PPP1R12B: variants seen among roughly 807,000 people sequenced by gnomAD.
PPP1R12B encodes myosin phosphatase target subunit 2.
In PPP1R12B, 76 loss-of-function variants were observed where a neutral mutation model predicts 126.1. The ratio of observed to expected loss-of-function variants is 0.60; its 90% confidence interval spans 0.50 to 0.73. The LOEUF is 0.73. PPP1R12B is among the 30% of genes least tolerant of loss of function. The pLI is 0.00. For missense variants in PPP1R12B, 1,052 were observed against 1,205.1 expected, an observed-to-expected ratio of 0.87 and a Z score of 1.88; for synonymous variants, 356 against 434.7, an observed-to-expected ratio of 0.82 and a Z score of 2.25.
intron 5 of PPP1R12B, among the ~76,000 whole-genome samples, chr1:202,428,303 T>C (rs975581016): frequency 5.3e-5 from 8 of 152,216 alleles, no homozygotes; most frequent in East Asian, 1.9e-4. Context: ...TGCAGAGATA[T>C]GGCCTTTTAA....
chr1:202,524,350 A>G (rs1683097185), intron 18 of PPP1R12B, among the ~76,000 whole-genome samples: 1 of 152,228 alleles, frequency 6.6e-6, no homozygotes, highest in Non-Finnish European at 1.5e-5. Flanking sequence ...GAAGAAAACT[A>G]GGAAGCCAAT....
rs377660828 is a variant in PPP1R12B, at chr1:202,586,440, T to C, written c.*5880T>C. ...AAATGAGTTCTGTCTCACTGGTGAC[T>C]TCATCCCTCAGGCTCCAGCTGAGCA... On this transcript the variant is annotated 3_prime_UTR_variant, in exon 24 of 24. Transcript: ENST00000608999. 3 of 152,248 alleles carry C rather than the reference T, an allele frequency of 2.0e-5. No homozygotes were observed. Among genetic ancestry groups the C allele is most frequent in the Non-Finnish European group, 4.4e-5 (3 of 68,054 alleles). The allele number at this position is 152,248 out of a possible 1,614,324, so 9.4% of individuals were successfully genotyped here.
intron 12 of PPP1R12B, among the ~76,000 whole-genome samples, chr1:202,446,363 T>G (rs1462145743): frequency 6.8e-6 from 1 of 147,192 alleles, no homozygotes; most frequent in African/African-American, 2.5e-5. Context: ...GAGCAATTCT[T>G]CTGCCTCAGC....
At chr1:202,448,902 T>G in intron 12 of PPP1R12B, 87 bp from the exon 13 acceptor site, 1 of 1,389,860 alleles carries the variant, frequency 7.2e-7, no homozygotes, top group Non-Finnish European at 1.0e-6. Context: ...GATGAACCAC[T>G]CTTTAATCCT....
chr1:202,439,089 C>G, intron 10 of PPP1R12B: 1 of 1,478,354 alleles, frequency 6.8e-7, no homozygotes, highest in Non-Finnish European at 9.5e-7. Flanking sequence ...ACCATCACCT[C>G]CAGCGCCAAA....
intron 1 of PPP1R12B, among the ~76,000 whole-genome samples, chr1:202,390,893 T>G (rs1485330553): frequency 6.6e-6 from 1 of 152,034 alleles, no homozygotes; most frequent in Non-Finnish European, 1.5e-5. Context: ...CAGGACAACA[T>G]CTCTACAAAC....
At chr1:202,518,721 G>A (rs1183842295) in intron 18 of PPP1R12B, among the ~76,000 whole-genome samples, 1 of 152,112 alleles carries the variant, frequency 6.6e-6, no homozygotes, top group East Asian at 1.9e-4. Flanking sequence ...CTTTAATGAG[G>A]CCTTGTTATT....
intron 18 of PPP1R12B, among the ~76,000 whole-genome samples, chr1:202,532,241 G>A (rs1458994615): frequency 6.6e-6 from 1 of 152,170 alleles, no homozygotes; most frequent in African/African-American, 2.4e-5. Flanking sequence ...GAGTCATGAG[G>A]ACGAACAGAG....
At chr1:202,361,769 T>C (rs1269387263) in intron 1 of PPP1R12B, among the ~76,000 whole-genome samples, 1 of 152,040 alleles carries the variant, frequency 6.6e-6, no homozygotes, top group Non-Finnish European at 1.5e-5. Flanking sequence ...AAAAAAATAG[T>C]AACTTGGCGG....
At chr1:202,491,147 G>A (rs1678829880) in intron 14 of PPP1R12B, among the ~76,000 whole-genome samples, 1 of 152,130 alleles carries the variant, frequency 6.6e-6, no homozygotes, top group Admixed American at 6.5e-5. Context: ...TTTATGAGAT[G>A]GAGTTTTGCT....
At chr1:202,499,099 C>A (rs940146309) in intron 18 of PPP1R12B, among the ~76,000 whole-genome samples, 1 of 151,974 alleles carries the variant, frequency 6.6e-6, no homozygotes, top group African/African-American at 2.4e-5. Context: ...ATAACCACTA[C>A]CCAAATCAAG....
In PPP1R12B at chr1:202,437,512, A is replaced by G. The variant is rs567613346; in HGVS notation, c.1255-309A>G. Among the ~76,000 whole-genome samples, 38 of 152,314 alleles carry G rather than the reference A, an allele frequency of 2.5e-4. 3 individuals carry two copies. The South Asian group carries it at 7.7e-3, about 31-fold the overall frequency. On this transcript the variant is annotated intron_variant, in intron 9 of 23. Coordinates refer to ENST00000608999, the MANE Select transcript of PPP1R12B (RefSeq NM_002481.4). Reference sequence around the variant, plus strand: ...GAAGAAGGTATATTACTAGAATACAATCTCCTGGTGTTCCAGGTCATTATT... The same window carrying G: ...GAAGAAGGTATATTACTAGAATACAGTCTCCTGGTGTTCCAGGTCATTATT...
Position 202,348,726 on chromosome 1 carries a change from G to A in PPP1R12B, c.-126G>A, listed in dbSNP as rs1316008243. The A allele has an allele frequency of 1.6e-6, 2 of 1,253,624 alleles. No individual in the cohort carries two copies. Among genetic ancestry groups the A allele is most frequent in the Non-Finnish European group, 2.2e-6 (2 of 925,172 alleles). 77.7% of individuals were successfully genotyped at this position (1,253,624 alleles called of 1,614,324 possible). A position where few individuals can be genotyped will look rare whatever the true frequency, so the allele number is the denominator to read the frequency against. On this transcript the variant is annotated 5_prime_UTR_variant, in exon 1 of 24. It removes an upstream start codon present in the reference 5' UTR. Transcript: ENST00000608999. ...TACTACTGGCGGGAGGAGTAAAGAT[G>A]GCGGCGCGAGGGTCTCCGCCCTCTG...
intron 18 of PPP1R12B, among the ~76,000 whole-genome samples, chr1:202,518,937 A>G (rs1008410747): frequency 6.6e-6 from 1 of 152,218 alleles, no homozygotes; most frequent in African/African-American, 2.4e-5. Context: ...CACCCTTAAT[A>G]TAGTCTGTCT....
chr1:202,437,603 C>T (rs1053832594), intron 9 of PPP1R12B, among the ~76,000 whole-genome samples: 4 of 152,032 alleles, frequency 2.6e-5, no homozygotes, highest in Non-Finnish European at 4.4e-5. Flanking sequence ...GTGAAGAATC[C>T]GAGGCTATTT....
At chr1:202,472,106 T>C (rs1676003018) in intron 13 of PPP1R12B, 2 of 1,564,868 alleles carry the variant, frequency 1.3e-6, no homozygotes, top group Non-Finnish European at 1.7e-6. Flanking sequence ...GGAGATCCTT[T>C]GTGAGAGGCA....
chr1:202,574,707 C>T (rs764685101), intron 23 of PPP1R12B, among the ~76,000 whole-genome samples: 1 of 152,164 alleles, frequency 6.6e-6, no homozygotes, highest in East Asian at 1.9e-4. Context: ...CTTTCATTCT[C>T]AAAAGCAATC....
At chr1:202,469,148 G>A (rs1675489602) in intron 13 of PPP1R12B, among the ~76,000 whole-genome samples, 1 of 152,118 alleles carries the variant, frequency 6.6e-6, no homozygotes. Flanking sequence ...CCTAATAAAG[G>A]GTAGGCACAA....
chr1:202,559,692 T>C (rs1687324794), intron 19 of PPP1R12B, among the ~76,000 whole-genome samples: 1 of 152,206 alleles, frequency 6.6e-6, no homozygotes, highest in Non-Finnish European at 1.5e-5. Context: ...TTCCTTATAA[T>C]TTGTTTGGTA....
Sources: gnomAD v4.1 joint callset for allele counts (sites outside exome capture counted in the v4.1 genomes callset) on GRCh38, gnomAD v4.1.1 for gene constraint, MANE v1.5 for transcripts, NCBI Gene and HGNC (gene_info 2026-07-23, HGNC 2026-07-21) for gene names.